SETBP1: variants seen among roughly 807,000 people sequenced by gnomAD.
SETBP1 encodes SET binding protein 1.
A neutral mutation model predicts 101.0 loss-of-function variants in SETBP1; 9 were observed. That is an observed-to-expected ratio of 0.09 (90% CI 0.05 to 0.16). SETBP1 has a LOEUF of 0.16. Among genes scored for constraint, SETBP1 ranks in the 10% least tolerant of loss-of-function variants. SETBP1 has a pLI of 1.00. For synonymous variants in SETBP1, 818 were observed against 788.5 expected (o/e 1.04, Z -0.63); for missense variants, 1,858 against 2,033.8 (o/e 0.91, Z 1.66).
chr18:44,950,263 G>A lies in SETBP1; in HGVS notation c.923G>A (p.Cys308Tyr), dbSNP rs2071309218. 3 of 1,613,932 alleles carry A rather than the reference G, an allele frequency of 1.9e-6. No individual in the cohort carries two copies. The highest frequency in any genetic ancestry group is 2.7e-5 in the African/African-American group (2 of 74,952). Reference sequence around the variant, plus strand: ...GCCCCACCCAGCAGCTCTGCTGAGTGCAACGGGCTTCAGCCCTTGGTGGAT... The same window carrying A: ...GCCCCACCCAGCAGCTCTGCTGAGTACAACGGGCTTCAGCCCTTGGTGGAT... ...SPAPPSSSAECNGLQPLVDQD... is the reference protein window; with the variant it reads ...SPAPPSSSAEYNGLQPLVDQD... Residue 308 changes from cysteine to tyrosine, a missense_variant, in exon 4 of 6, where the codon TGC (cysteine) becomes TAC (tyrosine). This residue lies in a region of SETBP1 where 581 missense variants were observed against 535.1 expected (regional missense o/e 1.09). Coordinates refer to ENST00000649279, the MANE Select transcript of SETBP1 (RefSeq NM_015559.3).
At chr18:44,696,441 G>A (rs549840045) in intron 1 of SETBP1, among the ~76,000 whole-genome samples, 182 of 152,256 alleles carry the variant, frequency 1.2e-3, no homozygotes, top group Non-Finnish European at 2.1e-3. Context: ...AGTAGAGCTC[G>A]AGAACTTGCA....
At chr18:45,050,239 C>T (rs904439222) in intron 5 of SETBP1, among the ~76,000 whole-genome samples, 28 of 152,308 alleles carry the variant, frequency 1.8e-4, no homozygotes, top group East Asian at 1.5e-3. Flanking sequence ...TTGCCTTGTA[C>T]GGTGTAAGGT....
At position 44,840,317 on chromosome 18, in the gene SETBP1, T is replaced by C. The variant is rs371918541; in HGVS notation, c.487-28913T>C. 7.2e-5 allele frequency among the ~76,000 whole-genome samples: 11 copies of C among 152,358 alleles called. No individual in the cohort carries two copies. The East Asian group carries it at 2.1e-3, about 29-fold the overall frequency. ...GCCTTTTGGCTCAAATTCACCAGCATGACTACCCTTGCTAGATCCCAGCAG... is the reference window on the plus strand; with the variant it reads ...GCCTTTTGGCTCAAATTCACCAGCACGACTACCCTTGCTAGATCCCAGCAG... On this transcript the variant is annotated intron_variant, in intron 2 of 5. Coordinates refer to ENST00000649279, the MANE Select transcript of SETBP1 (RefSeq NM_015559.3).
Position 44,951,354 on chromosome 18 carries a change from C to T in SETBP1, c.2014C>T (p.Leu672Phe). ...CAAAACTATCAATAAGATGAAGACA[C>T]TCAAGAGGAAAAACATCTTGAATCA... is the stretch of plus-strand genomic sequence containing the variant. ...TIKTINKMKT[L>F]KRKNILNQIL... The change falls in exon 4 of 6, where the codon CTC becomes TTC. Residue 672 changes from leucine to phenylalanine, a missense_variant. Physicochemically the swap from Leu to Phe is conservative, Grantham distance 22. Coordinates refer to ENST00000649279, the MANE Select transcript of SETBP1 (RefSeq NM_015559.3). The surrounding 1 kb of genome is among the most constrained non-coding windows in gnomAD (Gnocchi z 7.8). 1 of 1,614,046 alleles carries T rather than the reference C, an allele frequency of 6.2e-7. No individual in the cohort carries two copies. The highest frequency in any genetic ancestry group is 8.5e-7 in the Non-Finnish European group (1 of 1,180,040).
At chr18:44,926,483 T>C (rs2070707507) in intron 3 of SETBP1, among the ~76,000 whole-genome samples, 1 of 152,226 alleles carries the variant, frequency 6.6e-6, no homozygotes, top group South Asian at 2.1e-4. Context: ...CCTCGTGGCA[T>C]GACACAGTGG....
intron 2 of SETBP1, among the ~76,000 whole-genome samples, chr18:44,711,112 G>A (rs563353219): frequency 1.1e-4 from 17 of 152,294 alleles, no homozygotes; most frequent in Non-Finnish European, 1.5e-4. Flanking sequence ...AGCTGAGGCC[G>A]CCATCTGAGT....
chr18:44,948,714 T>C (rs1006352937), intron 3 of SETBP1, among the ~76,000 whole-genome samples: 1 of 152,236 alleles, frequency 6.6e-6, no homozygotes, highest in Non-Finnish European at 1.5e-5. Context: ...GAATACTACT[T>C]TGAACTAGTA....
chr18:44,977,768 C>G (rs1461615430), intron 4 of SETBP1, among the ~76,000 whole-genome samples: 1 of 152,182 alleles, frequency 6.6e-6, no homozygotes, highest in Admixed American at 6.6e-5. Flanking sequence ...GCAGTTGCTG[C>G]CCAGAGTCTG....
At chr18:44,866,953 C>T (rs150471155) in intron 2 of SETBP1, among the ~76,000 whole-genome samples, 3 of 152,158 alleles carry the variant, frequency 2.0e-5, no homozygotes, top group South Asian at 2.1e-4. Flanking sequence ...GCTTTTTTCC[C>T]GTGCCATATC....
At chr18:44,891,109 G>A (rs1390267975) in intron 3 of SETBP1, among the ~76,000 whole-genome samples, 1 of 152,138 alleles carries the variant, frequency 6.6e-6, no homozygotes, top group African/African-American at 2.4e-5. Context: ...GATAGCAGCA[G>A]ATAAAGAGAG....
At position 44,818,753 on chromosome 18, in the gene SETBP1, TCACACACA is replaced by T. The variant is rs34683605; in HGVS notation, c.487-50457_487-50450del. Among the ~76,000 whole-genome samples, 755 of 140,648 alleles carry T rather than the reference TCACACACA, an allele frequency of 5.4e-3. 3 individuals are homozygous for T. Among genetic ancestry groups the T allele is most frequent in the African/African-American group, 0.016 (630 of 39,132 alleles). The allele number at this position is 140,648 out of a possible 152,430, so 92.3% of individuals were successfully genotyped here. A position where few individuals can be genotyped will look rare whatever the true frequency, so the allele number is the denominator to read the frequency against. ...ATGAAAAGAAAAGACACGCACACAC[TCACACACA>T]CACACACACACACACACACTCCTCA... On this transcript the variant is annotated intron_variant, in intron 2 of 5. Transcript: ENST00000649279.
chr18:44,781,223 A>G (rs1463628098), intron 2 of SETBP1, among the ~76,000 whole-genome samples: 4 of 152,098 alleles, frequency 2.6e-5, no homozygotes, highest in Admixed American at 2.6e-4. Context: ...GAATGAAATG[A>G]CCTTAGTTGC....
chr18:44,771,571 A>T (rs2070874133), intron 2 of SETBP1, among the ~76,000 whole-genome samples: 1 of 152,170 alleles, frequency 6.6e-6, no homozygotes, highest in South Asian at 2.1e-4. Flanking sequence ...CCTAAGACAG[A>T]GTTGGGATCC....
chr18:45,011,793 G>C (rs2072843739), intron 4 of SETBP1, among the ~76,000 whole-genome samples: 1 of 152,198 alleles, frequency 6.6e-6, no homozygotes, highest in East Asian at 1.9e-4. Flanking sequence ...CTGTCCAGCT[G>C]TGTGATCTTG....
rs923516675 is a variant in SETBP1, at chr18:45,067,059, T to A, written c.*3361T>A. 1 of 152,166 alleles carries A rather than the reference T, an allele frequency of 6.6e-6. No homozygotes were observed. The highest frequency in any genetic ancestry group is 2.4e-5 in the African/African-American group (1 of 41,438). 9.4% of individuals were successfully genotyped at this position (152,166 alleles called of 1,614,324 possible). On this transcript the variant is annotated 3_prime_UTR_variant, in exon 6 of 6. Coordinates refer to ENST00000649279, the MANE Select transcript of SETBP1 (RefSeq NM_015559.3). ...AAGGGAAAGCATGTCAGGGGCTGGT[T>A]TGTGACTTGGCAGGACCAGGAAACA...
At chr18:44,805,961 G>A (rs951389293) in intron 2 of SETBP1, among the ~76,000 whole-genome samples, 1 of 152,152 alleles carries the variant, frequency 6.6e-6, no homozygotes, top group Non-Finnish European at 1.5e-5. Context: ...AATTTCAGGG[G>A]AGAAGTCTGG....
intron 2 of SETBP1, among the ~76,000 whole-genome samples, chr18:44,818,333 T>C (rs1200714008): frequency 1.3e-5 from 2 of 152,218 alleles, no homozygotes; most frequent in African/African-American, 4.8e-5. Flanking sequence ...TCAGAGTTCG[T>C]TGATCTCAAC....
chr18:44,762,962 A>G (rs1378390039), intron 2 of SETBP1, among the ~76,000 whole-genome samples: 1 of 152,248 alleles, frequency 6.6e-6, no homozygotes, highest in Non-Finnish European at 1.5e-5. Context: ...AAGACTTGGT[A>G]AAGATTTAGT....
At chr18:44,999,003 T>C (rs1408457519) in intron 4 of SETBP1, among the ~76,000 whole-genome samples, 2 of 152,238 alleles carry the variant, frequency 1.3e-5, no homozygotes, top group Non-Finnish European at 2.9e-5. Context: ...TAGAACCGTC[T>C]GGTTCTTATG....
Sources: gnomAD v4.1 joint callset for allele counts (sites outside exome capture counted in the v4.1 genomes callset) on GRCh38, gnomAD v4.1.1 for gene constraint, gnomAD v4.1.1 regional missense constraint, Gnocchi (gnomAD v3.1) non-coding constraint, MANE v1.5 for transcripts, NCBI Gene and HGNC (gene_info 2026-07-23, HGNC 2026-07-21) for gene names.